Variants in ZFHX3 observed in about 807,000 individuals in gnomAD.
ZFHX3 encodes zinc finger homeobox 3.
A neutral mutation model predicts 279.1 loss-of-function variants in ZFHX3; 42 were observed. That is an observed-to-expected ratio of 0.15 (90% CI 0.12 to 0.19). ZFHX3 has a LOEUF of 0.19. Among genes scored for constraint, ZFHX3 ranks in the 10% least tolerant of loss-of-function variants. The pLI is 1.00. For missense variants in ZFHX3, 4,981 were observed against 4,754.0 expected, an observed-to-expected ratio of 1.05 and a Z score of -1.40; for synonymous variants, 2,293 against 1,957.8, an observed-to-expected ratio of 1.17 and a Z score of -4.52.
At chr16:72,927,275 C>T (rs1043964005) in intron 3 of ZFHX3, among the ~76,000 whole-genome samples, 1 of 152,160 alleles carries the variant, frequency 6.6e-6, no homozygotes, top group African/African-American at 2.4e-5. Flanking sequence ...TGAGTCTTCT[C>T]CCTGTGTCAC....
intron 3 of ZFHX3, among the ~76,000 whole-genome samples, chr16:73,434,144 T>C (rs1384168239): frequency 6.6e-6 from 1 of 152,190 alleles, no homozygotes; most frequent in Non-Finnish European, 1.5e-5. Flanking sequence ...GGGAGGCCCA[T>C]CTATTTGCTG....
At chr16:73,039,803 A>C (rs1031195083) in intron 1 of ZFHX3, among the ~76,000 whole-genome samples, 1 of 152,150 alleles carries the variant, frequency 6.6e-6, no homozygotes, top group African/African-American at 2.4e-5. Context: ...AAGTGCTGGG[A>C]TTACAGGCAT....
intron 5 of ZFHX3, among the ~76,000 whole-genome samples, chr16:73,239,811 A>G (rs2013064380): frequency 6.6e-6 from 1 of 152,234 alleles, no homozygotes; most frequent in Non-Finnish European, 1.5e-5. Context: ...AGCAATTTCT[A>G]AATTTGGAAA....
At chr16:72,873,671 T>C (rs745611627) in intron 4 of ZFHX3, among the ~76,000 whole-genome samples, 2 of 152,220 alleles carry the variant, frequency 1.3e-5, no homozygotes, top group Admixed American at 6.5e-5. Flanking sequence ...CCTAAGTGCC[T>C]ATTGTCAAAA....
chr16:73,697,173 T>C (rs2142213094), intron 1 of ZFHX3, among the ~76,000 whole-genome samples: 2 of 151,886 alleles, frequency 1.3e-5, no homozygotes, highest in South Asian at 4.2e-4. Context: ...TCAAGACAAA[T>C]GATTCCATGG....
chr16:73,094,794 C>G (rs1267815481), intron 7 of ZFHX3, among the ~76,000 whole-genome samples: 1 of 152,122 alleles, frequency 6.6e-6, no homozygotes, highest in Non-Finnish European at 1.5e-5. Context: ...ACTGCAGCCT[C>G]CACCTTCTGG....
At chr16:73,786,267 T>C (rs916766208) in intron 1 of ZFHX3, among the ~76,000 whole-genome samples, 1 of 152,190 alleles carries the variant, frequency 6.6e-6, no homozygotes, top group Non-Finnish European at 1.5e-5. Context: ...TTATATGTTT[T>C]CTTCTACTTT....
At chr16:73,259,170 C>T (rs80346789) in intron 4 of ZFHX3, among the ~76,000 whole-genome samples, 10,942 of 152,244 alleles carry the variant, frequency 0.072, 861 homozygotes, top group East Asian at 0.44. Context: ...TGTGTGTACA[C>T]ACGTGTGAGC....
At chr16:73,411,916 A>G (rs550804540) in intron 3 of ZFHX3, among the ~76,000 whole-genome samples, 176 of 152,328 alleles carry the variant, frequency 1.2e-3, no homozygotes, top group Non-Finnish European at 2.0e-3. Context: ...ATGTGTGGAA[A>G]TAAGTCTTTC....
At chr16:73,761,325 G>A (rs1015447955) in intron 1 of ZFHX3, among the ~76,000 whole-genome samples, 2 of 152,130 alleles carry the variant, frequency 1.3e-5, no homozygotes, top group Non-Finnish European at 2.9e-5. Flanking sequence ...ACTGCTCAAG[G>A]AAGTAAGAGA....
Sources: gnomAD v4.1 joint callset for allele counts (sites outside exome capture counted in the v4.1 genomes callset) on GRCh38, gnomAD v4.1.1 for gene constraint, MANE v1.5 for transcripts, NCBI Gene and HGNC (gene_info 2026-07-23, HGNC 2026-07-21) for gene names.